The following DGKK variants were observed in gnomAD, a reference collection of about 807,000 sequenced individuals.
DGKK encodes the protein 142 kDa diacylglycerol kinase.
A neutral mutation model predicts 92.2 loss-of-function variants in DGKK; 35 were observed. The observed-to-expected ratio is 0.38, with a 90% CI of 0.29 to 0.50. The LOEUF is 0.50. Among genes scored for constraint, DGKK ranks in the 20% least tolerant of loss-of-function variants. The pLI is 0.92. For synonymous variants in DGKK, 368 were observed against 360.6 expected (o/e 1.02, Z -0.23); for missense variants, 910 against 992.2 (o/e 0.92, Z 1.11).
At chrX:50,462,882 C>CTTTTTTTTTTT (rs548003185) in intron 1 of DGKK, among the ~76,000 whole-genome samples, 2 of 15,766 alleles carry the variant, frequency 1.3e-4, no homozygotes, top group African/African-American at 2.3e-4. Context: ...CCTTTCCTTG[C>CTTTTTTTTTTT]TTTTTTTTTT....
At chrX:50,420,696 A>T (rs1024825323) in intron 3 of DGKK, among the ~76,000 whole-genome samples, 189 bp from the exon 4 acceptor site, 4 of 112,064 alleles carry the variant, frequency 3.6e-5, no homozygotes, top group African/African-American at 1.3e-4. Flanking sequence ...TAATAATGCT[A>T]ATAGCAATAA....
At chrX:50,424,219 A>G in intron 2 of DGKK, 29 bp downstream of exon 2, 2 of 1,170,425 alleles carry the variant, frequency 1.7e-6, no homozygotes, top group East Asian at 3.0e-5. Flanking sequence ...CCCACCCATT[A>G]ATCTAGTTGA....
chrX:50,391,262 G>A, intron 11 of DGKK, among the ~76,000 whole-genome samples, 175 bp downstream of exon 11: 1 of 111,370 alleles, frequency 9.0e-6, no homozygotes, highest in Non-Finnish European at 1.9e-5. Context: ...AGGATACATG[G>A]TAGACCCTGG....
intron 1 of DGKK, among the ~76,000 whole-genome samples, chrX:50,432,207 T>C (rs1177915160): frequency 8.9e-6 from 1 of 112,140 alleles, no homozygotes; most frequent in Non-Finnish European, 1.9e-5. Flanking sequence ...CTGCAAGGAC[T>C]GTATCTGCAA....
chrX:50,445,121 C>CTTTTTTTTTTTTTTT (rs57163220), intron 1 of DGKK, among the ~76,000 whole-genome samples: 1 of 67,489 alleles, frequency 1.5e-5, no homozygotes, highest in Non-Finnish European at 2.7e-5. Context: ...CCTTTGCCCA[C>CTTTTTTTTTTTTTTT]TTTTTTTTTT....
intron 1 of DGKK, among the ~76,000 whole-genome samples, chrX:50,448,746 ACAGTTGAAG>A (rs1419443083): frequency 9.0e-6 from 1 of 111,250 alleles, no homozygotes; most frequent in East Asian, 2.9e-4. Context: ...ACTATGAGTC[ACAGTTGAAG>A]GTGTCCCAAC....
chrX:50,466,201 C>T (rs1265739559), intron 1 of DGKK, among the ~76,000 whole-genome samples: 2 of 109,221 alleles, frequency 1.8e-5, no homozygotes, highest in African/African-American at 6.7e-5. Context: ...TGCTTAGGAA[C>T]TATTAGAATA....
chrX:50,369,039 G>A lies in DGKK; in HGVS notation c.3737-20C>T. The A allele has an allele frequency of 8.5e-7, 1 of 1,172,978 alleles. No individual in the cohort carries two copies. Among genetic ancestry groups the A allele is most frequent in the South Asian group, 1.8e-5 (1 of 54,451 alleles). On this transcript the variant is annotated intron_variant, in intron 27 of 27. Coordinates refer to ENST00000611977, the MANE Select transcript of DGKK (RefSeq NM_001013742.4). ...AATTGCCTTCAGAGGAAAAAAAATG[G>A]TATAGAAATAATGAGGTTAGCACAA...
intron 7 of DGKK, 25 bp from the exon 8 acceptor site, chrX:50,401,164 G>C: frequency 8.9e-7 from 1 of 1,119,145 alleles, no homozygotes; most frequent in African/African-American, 1.8e-5. Flanking sequence ...GAAGAGCAGA[G>C]AAAAAAAAGG....
intron 4 of DGKK, among the ~76,000 whole-genome samples, chrX:50,409,245 A>T (rs1480857439): frequency 1.8e-5 from 2 of 109,534 alleles, no homozygotes; most frequent in African/African-American, 6.7e-5. Flanking sequence ...ATGAAGGCAG[A>T]GATTGGAGTG....
At chrX:50,379,093 G>A (rs1924346139) in intron 20 of DGKK, among the ~76,000 whole-genome samples, 1 of 111,684 alleles carries the variant, frequency 9.0e-6, no homozygotes, top group Non-Finnish European at 1.9e-5. Context: ...AAGGTGGGTG[G>A]ATCACCTGAG....
intron 23 of DGKK, 149 bp downstream of exon 23, chrX:50,376,609 G>A (rs1378441015): frequency 4.2e-6 from 2 of 475,826 alleles, no homozygotes; most frequent in Non-Finnish European, 6.7e-6. Context: ...TTTCCTGCCT[G>A]GATTGTGAGG....
At chrX:50,413,987 T>C (rs1925365989) in intron 4 of DGKK, among the ~76,000 whole-genome samples, 1 of 112,081 alleles carries the variant, frequency 8.9e-6, no homozygotes, top group Admixed American at 9.5e-5. Context: ...AATGATTAAA[T>C]AAAATGTGGT....
chrX:50,460,896 A>ATTT (rs59461560), intron 1 of DGKK, among the ~76,000 whole-genome samples: 10 of 101,324 alleles, frequency 9.9e-5, no homozygotes, highest in African/African-American at 2.2e-4. Context: ...GCCATCACTA[A>ATTT]TTTTTTTTTT....
chrX:50,424,353 T>C lies in DGKK; in HGVS notation c.651A>G (p.Ile217Met). 2 of 1,205,957 alleles carry C rather than the reference T, an allele frequency of 1.7e-6. No homozygotes were observed. Among genetic ancestry groups the C allele is most frequent in the Non-Finnish European group, 2.2e-6 (2 of 890,626 alleles). ...TCTTCAGCATAGGTCCTTCCTTCAA[T>C]ATTTTCTGAAAGATAGAAGCATGGT... Reference protein sequence around the residue: ...TPMSWSRIKKILKEGPMLKNC... With the variant: ...TPMSWSRIKKMLKEGPMLKNC... Residue 217 changes from isoleucine (I) to methionine (M), a missense_variant, in exon 2 of 28, where the codon ATA (isoleucine) becomes ATG (methionine). Transcript: ENST00000611977.
intron 1 of DGKK, among the ~76,000 whole-genome samples, chrX:50,462,443 T>C (rs1261840650): frequency 9.4e-6 from 1 of 106,759 alleles, no homozygotes; most frequent in Non-Finnish European, 1.9e-5. Flanking sequence ...CTTTTTCTTT[T>C]AAAAAATCTC....
At chrX:50,372,699 T>A (rs1241017878) in intron 25 of DGKK, among the ~76,000 whole-genome samples, 3 of 112,251 alleles carry the variant, frequency 2.7e-5, no homozygotes, top group Non-Finnish European at 5.6e-5. Flanking sequence ...AGACTTAAAA[T>A]GGATTCTTTT....
chrX:50,453,315 A>G (rs1173017093), intron 1 of DGKK, among the ~76,000 whole-genome samples: 2 of 111,603 alleles, frequency 1.8e-5, no homozygotes, highest in African/African-American at 6.5e-5. Flanking sequence ...TGGTTTTCTC[A>G]TCTGCACAAT....
chrX:50,431,060 C>A (rs1925872494), intron 1 of DGKK, among the ~76,000 whole-genome samples: 1 of 110,045 alleles, frequency 9.1e-6, no homozygotes, highest in Admixed American at 9.8e-5. Flanking sequence ...GAGACAGGGT[C>A]TTGTTCTGTC....
Sources: gnomAD v4.1 joint callset for allele counts (sites outside exome capture counted in the v4.1 genomes callset) on GRCh38, gnomAD v4.1.1 for gene constraint, MANE v1.5 for transcripts, NCBI Gene and HGNC (gene_info 2026-07-23, HGNC 2026-07-21) for gene names.